Variants in SCG5 observed in about 807,000 individuals in gnomAD.
SCG5 encodes neuroendocrine protein 7B2.
In SCG5, 18 loss-of-function variants were observed where a neutral mutation model predicts 25.7. The observed-to-expected ratio is 0.70, with a 90% CI of 0.48 to 1.04. The LOEUF (loss-of-function observed/expected upper bound fraction) is 1.04, where lower values mean the gene tolerates loss of function less well. Ranked by LOEUF, SCG5 falls within the 50% of genes least tolerant of loss-of-function variation. SCG5 has a pLI of 0.00. For synonymous variants in SCG5, 101 were observed against 91.7 expected (o/e 1.10, Z -0.58); for missense variants, 206 against 259.8 (o/e 0.79, Z 1.42).
At chr15:32,679,006 T>C (rs2054571845) in intron 2 of SCG5, among the ~76,000 whole-genome samples, 1 of 152,214 alleles carries the variant, frequency 6.6e-6, no homozygotes, top group Non-Finnish European at 1.5e-5. Context: ...CTTATCTTTT[T>C]TCATAATGTG....
intron 2 of SCG5, among the ~76,000 whole-genome samples, chr15:32,674,131 C>T (rs2054491337): frequency 6.6e-6 from 1 of 152,170 alleles, no homozygotes; most frequent in Non-Finnish European, 1.5e-5. Context: ...CAAGAACAGG[C>T]AAAGTCATAT....
chr15:32,643,044 T>A (rs890162360), intron 1 of SCG5, among the ~76,000 whole-genome samples: 1 of 152,178 alleles, frequency 6.6e-6, no homozygotes, highest in Non-Finnish European at 1.5e-5. Flanking sequence ...AACATTTTCC[T>A]TCCTTTCAGG....
At chr15:32,660,260 C>T (rs2054195000) in intron 2 of SCG5, among the ~76,000 whole-genome samples, 2 of 152,086 alleles carry the variant, frequency 1.3e-5, no homozygotes, top group African/African-American at 4.8e-5. Context: ...AGGGAGTGGT[C>T]AGCTTGCTCT....
chr15:32,651,919 G>C (rs890873044), intron 2 of SCG5, among the ~76,000 whole-genome samples: 5 of 152,190 alleles, frequency 3.3e-5, no homozygotes, highest in African/African-American at 1.2e-4. Context: ...GGGTTTCAGA[G>C]TCATCCCCGT....
intron 2 of SCG5, among the ~76,000 whole-genome samples, chr15:32,644,032 C>T (rs1352356208): frequency 5.9e-5 from 9 of 152,184 alleles, no homozygotes; most frequent in African/African-American, 2.2e-4. Context: ...CCACATGAGA[C>T]TATAAGTCCT....
chr15:32,646,772 GAGTT>G (rs1372786374), intron 2 of SCG5, among the ~76,000 whole-genome samples: 1 of 152,140 alleles, frequency 6.6e-6, no homozygotes, highest in East Asian at 1.9e-4. Context: ...TTATTCATGT[GAGTT>G]AGTTATTGTT....
chr15:32,691,652 A>G lies in SCG5; in HGVS notation c.490-58A>G, dbSNP rs533146280. ...ACCAAGTATTGCTTTTAAAATAGAC[A>G]TTCACCAAATTTGATCCATACTTCT... On this transcript the variant is annotated intron_variant, in intron 4 of 5. Transcript: ENST00000300175. 40 of 1,368,066 alleles carry G rather than the reference A, an allele frequency of 2.9e-5. No homozygotes were observed. In the African/African-American group the frequency reaches 4.1e-4, roughly 14 times the overall value. The allele number at this position is 1,368,066 out of a possible 1,614,324, so 84.7% of individuals were successfully genotyped here.
chr15:32,660,250 A>G (rs1406440347), intron 2 of SCG5, among the ~76,000 whole-genome samples: 1 of 152,148 alleles, frequency 6.6e-6, no homozygotes, highest in Non-Finnish European at 1.5e-5. Context: ...ACCTGCAGGC[A>G]GGGAGTGGTC....
At chr15:32,685,008 A>AT (rs567491298) in intron 4 of SCG5, among the ~76,000 whole-genome samples, 4 of 152,214 alleles carry the variant, frequency 2.6e-5, no homozygotes, top group South Asian at 2.1e-4. Flanking sequence ...AAAGGATATG[A>AT]TTTTTTTTAA....
At chr15:32,681,948 G>A (rs924917329) in intron 3 of SCG5, among the ~76,000 whole-genome samples, 1 of 152,206 alleles carries the variant, frequency 6.6e-6, no homozygotes, top group Non-Finnish European at 1.5e-5. Flanking sequence ...GCCAATGTGT[G>A]GCTGCTGGGC....
At chr15:32,681,737 A>G (rs1439636563) in intron 3 of SCG5, among the ~76,000 whole-genome samples, 2 of 152,096 alleles carry the variant, frequency 1.3e-5, no homozygotes, top group Non-Finnish European at 2.9e-5. Context: ...GGTGTGAGCT[A>G]CCACACCGAG....
intron 5 of SCG5, among the ~76,000 whole-genome samples, chr15:32,694,336 T>A (rs1002503125): frequency 8.5e-5 from 13 of 152,242 alleles, no homozygotes; most frequent in Admixed American, 3.9e-4. Context: ...AAGCCCCATA[T>A]GGCTTTGAAC....
At chr15:32,666,055 G>C (rs1002324958) in intron 2 of SCG5, 19 of 152,284 alleles carry the variant, frequency 1.2e-4, no homozygotes, top group African/African-American at 4.6e-4. Flanking sequence ...GAGTAGGAAA[G>C]AAATAAAGGC....
At chr15:32,683,769 C>G (rs1207123140) in intron 3 of SCG5, among the ~76,000 whole-genome samples, 1 of 152,210 alleles carries the variant, frequency 6.6e-6, no homozygotes, top group African/African-American at 2.4e-5. Flanking sequence ...CTGCTCTTGT[C>G]TGACTCCAAA....
chr15:32,647,229 C>T (rs1263820228), intron 2 of SCG5, among the ~76,000 whole-genome samples: 2 of 152,222 alleles, frequency 1.3e-5, no homozygotes, highest in Middle Eastern at 3.4e-3. Flanking sequence ...AACTGTGCTA[C>T]GATGAAATAA....
At chr15:32,684,536 A>G in intron 3 of SCG5, 21 bp from the exon 4 acceptor site, 1 of 1,527,404 alleles carries the variant, frequency 6.5e-7, no homozygotes, top group Non-Finnish European at 9.0e-7. Flanking sequence ...CCGTTCCTCA[A>G]AAACCTTTGG....
At chr15:32,680,162 G>T (rs778341936) in intron 3 of SCG5, among the ~76,000 whole-genome samples, 1 of 149,184 alleles carries the variant, frequency 6.7e-6, no homozygotes, top group Non-Finnish European at 1.5e-5. Flanking sequence ...CCCCTTCTTT[G>T]GGAATTGATG....
intron 3 of SCG5, among the ~76,000 whole-genome samples, chr15:32,680,232 G>T (rs1164268849): frequency 1.5e-5 from 2 of 134,406 alleles, no homozygotes; most frequent in Non-Finnish European, 3.1e-5. Context: ...GTCTCGCTGT[G>T]TCACCCAGGC....
chr15:32,685,842 A>G (rs963444147), intron 4 of SCG5, among the ~76,000 whole-genome samples: 16 of 152,214 alleles, frequency 1.1e-4, no homozygotes, highest in Non-Finnish European at 2.2e-4. Context: ...ATGAGCAAAT[A>G]TTCCAACTCC....
Sources: gnomAD v4.1 joint callset for allele counts (sites outside exome capture counted in the v4.1 genomes callset) on GRCh38, gnomAD v4.1.1 for gene constraint, MANE v1.5 for transcripts, NCBI Gene and HGNC (gene_info 2026-07-23, HGNC 2026-07-21) for gene names.